VWF: variants seen among roughly 807,000 people sequenced by gnomAD.
VWF encodes the protein von Willebrand factor, also known as Factor VIII related antigen.
Under a neutral mutation model 308.6 loss-of-function variants are expected in VWF, and 176 were observed. The observed-to-expected ratio is 0.57, with a 90% CI of 0.50 to 0.65. VWF has a LOEUF of 0.65. Ranked by LOEUF, VWF falls within the 30% of genes least tolerant of loss-of-function variation. The pLI is 0.00. For missense variants in VWF, 3,146 were observed against 3,648.2 expected (o/e 0.86, Z 3.55); for synonymous variants, 1,385 against 1,443.4 (o/e 0.96, Z 0.92).
At position 6,075,238 on chromosome 12, in the gene VWF, CA is replaced by C; in HGVS notation, c.874+96del. ...TGGCTGGCTGGGTGTGGTAAAGCCG[CA>C]CATACGTGACACAGCCCCGAAGCAC... On this transcript the variant is annotated intron_variant, in intron 7 of 51. Transcript: ENST00000261405. This position sits in a 1 kb window ranked among gnomAD's most constrained non-coding sequence, Gnocchi z 4.7. 1 of 1,491,652 alleles carries C rather than the reference CA, an allele frequency of 6.7e-7. No individual in the cohort carries two copies. The highest frequency in any genetic ancestry group is 9.2e-7 in the Non-Finnish European group (1 of 1,082,000). The allele number at this position is 1,491,652 out of a possible 1,614,324, so 92.4% of individuals were successfully genotyped here.
chr12:5,950,201 A>G (rs1943169358), intron 50 of VWF, among the ~76,000 whole-genome samples: 1 of 152,204 alleles, frequency 6.6e-6, no homozygotes, highest in South Asian at 2.1e-4. Flanking sequence ...TAAAAACCAC[A>G]TGGCTAAAGC....
Position 6,103,477 on chromosome 12 carries a change from TATATAC to T in VWF, c.532+6891_532+6896del, listed in dbSNP as rs1403904939. 1.5e-4 allele frequency among the ~76,000 whole-genome samples: 16 copies of T among 105,492 alleles called. No homozygotes were observed. The African/African-American group carries it at 1.8e-3, about 12-fold the overall frequency. The allele number at this position is 105,492 out of a possible 152,430, so 69.2% of individuals were successfully genotyped here. A position where few individuals can be genotyped will look rare whatever the true frequency, so the allele number is the denominator to read the frequency against. On this transcript the variant is annotated intron_variant, in intron 5 of 51. Transcript: ENST00000261405. ...ATATGTGTATATACACATATGTGTG[TATATAC>T]ATATATGTGTATACACACACGTATA... is the stretch of plus-strand genomic sequence containing the variant.
At chr12:5,983,749 AG>A (rs1214789263) in intron 40 of VWF, among the ~76,000 whole-genome samples, 2 of 149,868 alleles carry the variant, frequency 1.3e-5, no homozygotes, top group Non-Finnish European at 3.0e-5. Context: ...TTAGACAGAC[AG>A]ATAGATACAT....
rs775574792 is a variant in VWF, at chr12:5,967,582, G to T, written c.7791C>A (p.Ile2597=). ...TGCAGCGGCAGGTCGTGCACACATCGATCATCACAGTCTTCCCGGGCTGGA... is the reference window on the plus strand; with the variant it reads ...TGCAGCGGCAGGTCGTGCACACATCTATCATCACAGTCTTCCCGGGCTGGA... ...TVIGPGKTVM[I]DVCTTCRCMV... Residue 2597 remains isoleucine (I), a synonymous_variant, in exon 47 of 52, where the codon ATC becomes ATA. Coordinates refer to ENST00000261405, the MANE Select transcript of VWF (RefSeq NM_000552.5). 6.2e-7 allele frequency: 1 copy of T among 1,613,728 alleles called. No individual in the cohort carries two copies. The highest frequency in any genetic ancestry group is 8.5e-7 in the Non-Finnish European group (1 of 1,179,988).
chr12:6,082,954 G>A (rs1944929889), intron 6 of VWF, among the ~76,000 whole-genome samples: 1 of 152,142 alleles, frequency 6.6e-6, no homozygotes, highest in South Asian at 2.1e-4. Flanking sequence ...AGAAGACAGG[G>A]TCATACAGTG....
At chr12:5,965,138 T>C (rs1200597602) in intron 47 of VWF, among the ~76,000 whole-genome samples, 2 of 152,146 alleles carry the variant, frequency 1.3e-5, no homozygotes, top group African/African-American at 2.4e-5. Flanking sequence ...CCCAGAACAT[T>C]TGATCACCGC....
intron 6 of VWF, among the ~76,000 whole-genome samples, chr12:6,080,501 C>G (rs1279851472): frequency 1.3e-5 from 2 of 152,244 alleles, no homozygotes; most frequent in Non-Finnish European, 2.9e-5. Flanking sequence ...AGAAGGCAGT[C>G]TGCACAGGGC....
Position 5,961,587 on chromosome 12 carries a change from C to T in VWF, c.7887+5899G>A, listed in dbSNP as rs542540288. 7.4e-4 allele frequency among the ~76,000 whole-genome samples: 66 copies of T among 89,586 alleles called. 1 individual carries two copies. In the South Asian group the frequency reaches 0.025, roughly 33 times the overall value. 58.8% of individuals were successfully genotyped at this position (89,586 alleles called of 152,430 possible). A position where few individuals can be genotyped will look rare whatever the true frequency, so the allele number is the denominator to read the frequency against. On this transcript the variant is annotated intron_variant, in intron 47 of 51. Coordinates refer to ENST00000261405, the MANE Select transcript of VWF (RefSeq NM_000552.5). The stretch of plus-strand genomic sequence containing the variant: ...AAGAAAATCCTTAGGAATCTGCCCC[C>T]TCAAAAAAAAAAAAAAAACACTATT...
rs529673009 is a variant in VWF, at chr12:5,988,183, C to G, written c.6799-2518G>C. ...ACAAAGGCACAGACGAAGGAACACT[C>G]CCGCAGTGCCCGGCATCACAGGTGA... is the stretch of plus-strand genomic sequence containing the variant. On this transcript the variant is annotated intron_variant, in intron 38 of 51. Coordinates refer to ENST00000261405, the MANE Select transcript of VWF (RefSeq NM_000552.5). Among the ~76,000 whole-genome samples, 7 of 152,290 alleles carry G rather than the reference C, an allele frequency of 4.6e-5. No homozygotes were observed. The East Asian group carries it at 1.4e-3, about 29-fold the overall frequency.
At chr12:6,004,096 A>C (rs1248556446) in intron 34 of VWF, among the ~76,000 whole-genome samples, 2 of 152,176 alleles carry the variant, frequency 1.3e-5, no homozygotes, top group Non-Finnish European at 2.9e-5. Context: ...AATAGTTAAA[A>C]GGATAAATTT....
chr12:6,018,516 G>C lies in VWF; in HGVS notation c.4902C>G (p.Ala1634=), dbSNP rs1222120075. ...CAATCCTCTCCAGCTCCTGCACGTT[G>C]GCATTAGGGCCCACTCCAATGGGCA... is the stretch of plus-strand genomic sequence containing the variant. ...QVVPIGVGPN[A]NVQELERIGW... The change falls in exon 28 of 52, where the codon GCC becomes GCG. Residue 1634 remains alanine, a synonymous_variant. Coordinates refer to ENST00000261405, the MANE Select transcript of VWF (RefSeq NM_000552.5). 5 of 1,613,978 alleles carry C rather than the reference G, an allele frequency of 3.1e-6. No homozygotes were observed. Among genetic ancestry groups the C allele is most frequent in the Non-Finnish European group, 3.4e-6 (4 of 1,179,946 alleles).
At chr12:6,029,599 C>T (rs1944235501) in intron 21 of VWF, 111 bp from the exon 22 acceptor site, 1 of 1,416,744 alleles carries the variant, frequency 7.1e-7, no homozygotes. Context: ...CGAGTGCAGG[C>T]ACTGCCACCC....
intron 23 of VWF, 86 bp downstream of exon 23, chr12:6,025,820 C>T (rs1051133118): frequency 2.5e-6 from 4 of 1,609,322 alleles, no homozygotes; most frequent in East Asian, 4.5e-5. Context: ...CCACAACCCC[C>T]CTTCCAGCCC....
At chr12:6,028,149 C>T (rs1346358518) in intron 22 of VWF, among the ~76,000 whole-genome samples, 2 of 152,128 alleles carry the variant, frequency 1.3e-5, no homozygotes, top group East Asian at 3.9e-4. Context: ...AGCCACTTGT[C>T]ACATACATGC....
chr12:6,031,186 G>T (rs1344184796), intron 21 of VWF, among the ~76,000 whole-genome samples: 4 of 152,128 alleles, frequency 2.6e-5, no homozygotes, highest in Admixed American at 2.6e-4. Context: ...TCCCACGTTT[G>T]TGCAGACACA....
chr12:6,088,556 T>C (rs958432857), intron 6 of VWF, among the ~76,000 whole-genome samples: 13 of 151,742 alleles, frequency 8.6e-5, no homozygotes, highest in Non-Finnish European at 1.5e-4. Context: ...ATGAGCTGGA[T>C]GCAGCCCAAG....
chr12:6,025,235 G>C (rs897277492), intron 24 of VWF, among the ~76,000 whole-genome samples: 4 of 152,214 alleles, frequency 2.6e-5, no homozygotes, highest in Non-Finnish European at 5.9e-5. Context: ...AAATGCAGCA[G>C]TGACAGGAAA....
At chr12:6,096,350 G>A (rs1203869425) in intron 5 of VWF, among the ~76,000 whole-genome samples, 12 of 152,150 alleles carry the variant, frequency 7.9e-5, no homozygotes, top group Admixed American at 5.9e-4. Context: ...TGGTCCTGGT[G>A]AGTGAATGGT....
chr12:6,057,822 C>A (rs777931099), intron 14 of VWF, 27 bp downstream of exon 14: 10 of 1,588,140 alleles, frequency 6.3e-6, no homozygotes, highest in South Asian at 1.1e-5. Flanking sequence ...TCTGCGAGGT[C>A]CCTGCCTTGC....
Sources: gnomAD v4.1 joint callset for allele counts (sites outside exome capture counted in the v4.1 genomes callset) on GRCh38, gnomAD v4.1.1 for gene constraint, Gnocchi (gnomAD v3.1) non-coding constraint, MANE v1.5 for transcripts, NCBI Gene and HGNC (gene_info 2026-07-23, HGNC 2026-07-21) for gene names.